Variants in ZNG1E observed in about 807,000 individuals in gnomAD.
ZNG1E encodes the protein Zn regulated GTPase metalloprotein activator 1E.
the ZNG1E span, among the ~76,000 whole-genome samples, chr9:65,680,095 A>C: frequency 6.6e-6 from 1 of 152,028 alleles, no homozygotes; most frequent in Admixed American, 6.6e-5. Context: ...GTAGTAAAAA[A>C]AAATAGCTCT....
the ZNG1E span, among the ~76,000 whole-genome samples, chr9:65,684,183 A>G: frequency 2.0e-5 from 3 of 152,104 alleles, no homozygotes; most frequent in Admixed American, 1.3e-4. Flanking sequence ...TTGTAAAAAA[A>G]TTTAAATACC....
the ZNG1E span, among the ~76,000 whole-genome samples, chr9:65,678,463 A>G: frequency 7.0e-6 from 1 of 142,004 alleles, no homozygotes; most frequent in South Asian, 2.3e-4. Flanking sequence ...ATTTCAGAAG[A>G]CATGTATAGC....
chr9:65,711,974 T>C, the ZNG1E span, among the ~76,000 whole-genome samples: 5 of 125,094 alleles, frequency 4.0e-5, no homozygotes, highest in African/African-American at 7.4e-5. Flanking sequence ...GCTGTGAATC[T>C]ATCTGGTCCT....
chr9:65,685,922 ATGT>A, the ZNG1E span, among the ~76,000 whole-genome samples: 2 of 141,724 alleles, frequency 1.4e-5, no homozygotes, highest in Admixed American at 1.5e-4. Flanking sequence ...TGCAGAATGG[ATGT>A]TGTGTTAGCA....
chr9:65,724,349 T>TA, the ZNG1E span, among the ~76,000 whole-genome samples: 1 of 150,204 alleles, frequency 6.7e-6, no homozygotes, highest in East Asian at 1.9e-4. Flanking sequence ...AAAATCATTA[T>TA]AAAAATCTTT....
chr9:65,721,423 G>T, the ZNG1E span, among the ~76,000 whole-genome samples: 8 of 146,480 alleles, frequency 5.5e-5, no homozygotes, highest in Non-Finnish European at 8.9e-5. Flanking sequence ...ATTGGGACTT[G>T]GGTATGTGTA....
At chr9:65,659,219 C>G in the ZNG1E span, among the ~76,000 whole-genome samples, 1 of 152,054 alleles carries the variant, frequency 6.6e-6, no homozygotes, top group Non-Finnish European at 1.5e-5. Context: ...GAAAAGAGGC[C>G]AGGCATGGTG....
the ZNG1E span, among the ~76,000 whole-genome samples, chr9:65,664,449 C>T: frequency 1.1e-4 from 13 of 114,034 alleles, 4 homozygotes; most frequent in African/African-American, 5.0e-4. Context: ...AATCTCTCTT[C>T]TCCTGTCTGG....
the ZNG1E span, among the ~76,000 whole-genome samples, chr9:65,684,263 A>C: frequency 9.9e-5 from 15 of 151,966 alleles, no homozygotes; most frequent in South Asian, 6.3e-4. Context: ...AGGGCTGGGC[A>C]TGGTGGCTCA....
At chr9:65,687,628 C>G in the ZNG1E span, among the ~76,000 whole-genome samples, 1 of 150,456 alleles carries the variant, frequency 6.6e-6, no homozygotes, top group African/African-American at 2.4e-5. Flanking sequence ...TCAATGCTTG[C>G]TGTTTTCTTT....
chr9:65,710,637 T>C, the ZNG1E span, among the ~76,000 whole-genome samples: 3 of 152,174 alleles, frequency 2.0e-5, no homozygotes, highest in East Asian at 3.9e-4. Context: ...CTTGTTTTTC[T>C]CAGGTTTGTC....
chr9:65,659,789 G>T, the ZNG1E span, among the ~76,000 whole-genome samples: 10 of 152,028 alleles, frequency 6.6e-5, no homozygotes, highest in Admixed American at 6.6e-4. Context: ...AAGTAGCCTT[G>T]TGTGAGTGTT....
chr9:65,714,496 T>C, the ZNG1E span, among the ~76,000 whole-genome samples: 20 of 151,432 alleles, frequency 1.3e-4, no homozygotes, highest in Non-Finnish European at 1.5e-5. Context: ...GCTCTGTTTT[T>C]TCCCCATCTT....
chr9:65,716,399 C>T, the ZNG1E span, among the ~76,000 whole-genome samples: 1 of 151,812 alleles, frequency 6.6e-6, no homozygotes, highest in Non-Finnish European at 1.5e-5. Flanking sequence ...CTCAAGTGAT[C>T]CTCATGCCTC....
At chr9:65,732,928 C>G in the ZNG1E span, 2 of 1,607,984 alleles carry the variant, frequency 1.2e-6, no homozygotes, top group East Asian at 2.2e-5. Context: ...AACATTGATG[C>G]TCTATTTCTG....
the ZNG1E span, among the ~76,000 whole-genome samples, chr9:65,709,437 G>C: frequency 7.2e-6 from 1 of 139,344 alleles, no homozygotes; most frequent in Non-Finnish European, 1.5e-5. Context: ...GTGCCATGCT[G>C]GTGGGCTGCA....
At chr9:65,677,508 T>G in the ZNG1E span, among the ~76,000 whole-genome samples, 10 of 152,398 alleles carry the variant, frequency 6.6e-5, no homozygotes, top group East Asian at 1.9e-3. Flanking sequence ...ACTTAACATG[T>G]CTGAAACTTC....
At chr9:65,700,857 C>A in the ZNG1E span, 2 of 152,312 alleles carry the variant, frequency 1.3e-5, no homozygotes, top group East Asian at 1.9e-4. Context: ...TTGTTGACTT[C>A]ATCTTCCTTA....
At chr9:65,666,996 T>C in the ZNG1E span, among the ~76,000 whole-genome samples, 2 of 151,876 alleles carry the variant, frequency 1.3e-5, no homozygotes, top group South Asian at 2.1e-4. Context: ...GATTTTTGTA[T>C]TATTAGTAGG....
Sources: allele counts gnomAD v4.1 joint callset (sites outside exome capture counted in the v4.1 genomes callset), GRCh38; gene constraint gnomAD v4.1.1; transcripts MANE v1.5; gene names NCBI Gene and HGNC (gene_info 2026-07-23, HGNC 2026-07-21).